Variants in HAGH observed in about 807,000 individuals in gnomAD.
HAGH encodes hydroxyacylglutathione hydrolase, also known as hydroxyacylglutathione hydrolase, mitochondrial.
Under a neutral mutation model 35.1 loss-of-function variants are expected in HAGH, and 29 were observed. That is an observed-to-expected ratio of 0.83 (90% CI 0.62 to 1.13). HAGH has a LOEUF of 1.13. Ranked by LOEUF, HAGH falls within the 50% of genes most tolerant of loss-of-function variation. The probability of loss-of-function intolerance (pLI) is 0.00; values close to 1 mark genes in which losing one functional copy is unlikely to be tolerated. For missense variants in HAGH, 478 were observed against 419.6 expected, an observed-to-expected ratio of 1.14 and a Z score of -1.22; for synonymous variants, 225 against 176.1, an observed-to-expected ratio of 1.28 and a Z score of -2.20.
At chr16:1,810,120 C>A in intron 7 of HAGH, 1 of 400,092 alleles carries the variant, frequency 2.5e-6, no homozygotes, top group East Asian at 4.8e-5. Context: ...CAAGACTGTG[C>A]TACTGCCCTC....
intron 7 of HAGH, among the ~76,000 whole-genome samples, chr16:1,815,522 G>A (rs1018355693): frequency 1.3e-5 from 2 of 152,232 alleles, no homozygotes; most frequent in Non-Finnish European, 2.9e-5. Flanking sequence ...GAATGCCACA[G>A]AGATGACGGA....
chr16:1,822,023 G>C lies in HAGH; in HGVS notation c.314+277C>G, dbSNP rs538396114. The C allele has an allele frequency of 2.8e-5, 11 of 397,844 alleles. 3 individuals are homozygous for C. The South Asian group carries it at 6.9e-4, about 25-fold the overall frequency. 24.6% of individuals were successfully genotyped at this position (397,844 alleles called of 1,614,324 possible). A position where few individuals can be genotyped will look rare whatever the true frequency, so the allele number is the denominator to read the frequency against. ...CCCAACATTGAGGCCAACGTGCCAGGGCACAAACCCGCATGGCCCAGGAGA... is the reference window on the plus strand; with the variant it reads ...CCCAACATTGAGGCCAACGTGCCAGCGCACAAACCCGCATGGCCCAGGAGA... On this transcript the variant is annotated intron_variant, in intron 3 of 8. Transcript: ENST00000397356.
At chr16:1,827,117 G>C, upstream of HAGH, 1 of 1,399,984 alleles carries the variant, frequency 7.1e-7, no homozygotes, top group East Asian at 2.4e-5. Flanking sequence ...GGCAGATCGC[G>C]AGGTGGAACG....
At chr16:1,813,339 C>T (rs916158712) in intron 7 of HAGH, among the ~76,000 whole-genome samples, 5 of 152,308 alleles carry the variant, frequency 3.3e-5, no homozygotes, top group Admixed American at 2.0e-4. Context: ...ACGCCCAGGC[C>T]ATGCTGCTTA....
In HAGH at chr16:1,820,030, G is replaced by C. The variant is rs750657075; in HGVS notation, c.315-16C>G. ...AGCATGGTCCCTAGAAGTCAAACAG[G>C]AGACCTGGGCTGCCTGCTGAGCTGA... On this transcript the variant is annotated splice_polypyrimidine_tract_variant and intron_variant, in intron 3 of 8. Transcript: ENST00000397356. 6.5e-7 allele frequency: 1 copy of C among 1,544,994 alleles called. No homozygotes were observed. The highest frequency in any genetic ancestry group is 1.7e-5 in the Admixed American group (1 of 59,540).
intron 5 of HAGH, 34 bp from the exon 6 acceptor site, chr16:1,817,305 C>G: frequency 7.3e-7 from 1 of 1,365,900 alleles, no homozygotes; most frequent in Non-Finnish European, 1.0e-6. Flanking sequence ...GTGGGGGCCA[C>G]TTGAGGCTGG....
chr16:1,809,466 G>A (rs757128202), intron 8 of HAGH, 84 bp from the exon 9 acceptor site: 56 of 1,157,780 alleles, frequency 4.8e-5, no homozygotes, highest in Non-Finnish European at 5.9e-5. Context: ...AAGGCGACTC[G>A]TGCTGGCCGA....
At chr16:1,821,620 T>C (rs1013434911) in intron 3 of HAGH, 1 of 152,224 alleles carries the variant, frequency 6.6e-6, no homozygotes, top group Non-Finnish European at 1.5e-5. Context: ...ACCCAACCTC[T>C]CCAGATATGG....
At chr16:1,819,687 GC>G in intron 4 of HAGH, 1 of 603,170 alleles carries the variant, frequency 1.7e-6, no homozygotes, top group Non-Finnish European at 3.0e-6. Flanking sequence ...GGGTCTCAGA[GC>G]CCTGCTTCAC....
intron 1 of HAGH, among the ~76,000 whole-genome samples, chr16:1,825,221 G>A (rs1427090268): frequency 3.9e-5 from 6 of 152,196 alleles, no homozygotes; most frequent in Non-Finnish European, 5.9e-5. Context: ...AGGAGGCTGA[G>A]GCAGGAGACT....
At chr16:1,814,331 G>A (rs756369152) in intron 7 of HAGH, among the ~76,000 whole-genome samples, 2 of 151,920 alleles carry the variant, frequency 1.3e-5, no homozygotes, top group Non-Finnish European at 2.9e-5. Flanking sequence ...AAAATTAACC[G>A]GGTGTGGTGG....
intron 1 of HAGH, 49 bp from the exon 2 acceptor site, chr16:1,823,086 C>T (rs104843): frequency 6.4e-7 from 1 of 1,569,754 alleles, no homozygotes; most frequent in Non-Finnish European, 8.8e-7. Context: ...AGGCCCTCCA[C>T]GACAGGACGC....
In HAGH at chr16:1,819,879, C is replaced by A; in HGVS notation, c.432+18G>T. On this transcript the variant is annotated intron_variant, in intron 4 of 8. Transcript: ENST00000397356. ...CTGACAGGGCCACGCTGGAGCACCTCCAGGGCTCACTCCTTACCTGCAGTG... is the reference window on the plus strand; with the variant it reads ...CTGACAGGGCCACGCTGGAGCACCTACAGGGCTCACTCCTTACCTGCAGTG... 4 of 1,504,170 alleles carry A rather than the reference C, an allele frequency of 2.7e-6. No individual in the cohort carries two copies. In the Middle Eastern group the frequency reaches 6.9e-4, roughly 261 times the overall value. The allele number at this position is 1,504,170 out of a possible 1,614,324, so 93.2% of individuals were successfully genotyped here.
At chr16:1,820,116 T>C (rs1439140574) in intron 3 of HAGH, 102 bp from the exon 4 acceptor site, 1 of 761,222 alleles carries the variant, frequency 1.3e-6, no homozygotes, top group South Asian at 1.5e-5. Flanking sequence ...CTGCTGCTCT[T>C]AAACCCTAGT....
At chr16:1,823,067 A>G (rs367668290) in intron 1 of HAGH, 30 bp from the exon 2 acceptor site, 2 of 1,607,822 alleles carry the variant, frequency 1.2e-6, no homozygotes, top group Non-Finnish European at 1.7e-6. Context: ...CTCAGCGGGC[A>G]GCCGCGCCAG....
chr16:1,825,842 G>A lies in HAGH; in HGVS notation c.76+870C>T, dbSNP rs145516209. On this transcript the variant is annotated intron_variant, in intron 1 of 8. Transcript: ENST00000397356. Reference sequence around the variant, plus strand: ...TCCCGCCTCGGCCTCCCAAAGTGCTGGGATGACAGGCGTGCGTCACTGCAC... The same window carrying A: ...TCCCGCCTCGGCCTCCCAAAGTGCTAGGATGACAGGCGTGCGTCACTGCAC... Among the ~76,000 whole-genome samples, 411 of 152,352 alleles carry A rather than the reference G, an allele frequency of 2.7e-3. 4 individuals are homozygous for A. The highest frequency in any genetic ancestry group is 9.2e-3 in the African/African-American group (384 of 41,578).
rs942292656 is a variant in HAGH, at chr16:1,809,011, G to T, written c.*272C>A. Reference sequence around the variant, plus strand: ...CTCACGCCTGACCTGAAGCGTGGGTGGGGGGACTGCAGTGGCTCACGGAGG... The same window carrying T: ...CTCACGCCTGACCTGAAGCGTGGGTTGGGGGACTGCAGTGGCTCACGGAGG... On this transcript the variant is annotated 3_prime_UTR_variant, in exon 9 of 9. Coordinates refer to ENST00000397356, the MANE Select transcript of HAGH (RefSeq NM_005326.6). 5.2e-5 allele frequency: 24 copies of T among 458,050 alleles called. No individual in the cohort carries two copies. The highest frequency in any genetic ancestry group is 2.0e-5 in the Non-Finnish European group (5 of 254,766). 28.4% of individuals were successfully genotyped at this position (458,050 alleles called of 1,614,324 possible).
chr16:1,825,542 G>A (rs374987070), intron 1 of HAGH, among the ~76,000 whole-genome samples: 1 of 152,090 alleles, frequency 6.6e-6, no homozygotes, highest in Non-Finnish European at 1.5e-5. Context: ...CTGGGGCCTG[G>A]ACCAAGTCCA....
rs750564047 is a variant in HAGH at position 1,809,740 on chromosome 16, G to A, written c.827+14C>T. 4 of 1,594,370 alleles carry A rather than the reference G, an allele frequency of 2.5e-6. No individual in the cohort carries two copies. The highest frequency in any genetic ancestry group is 2.7e-5 in the African/African-American group (2 of 74,528). On this transcript the variant is annotated intron_variant, in intron 8 of 8. Transcript: ENST00000397356. Reference sequence around the variant, plus strand: ...GGGGAGGGGCCCGCGCCCACCACCTGCCCTGGGCCTCACCTCACTCTCATG... The same window carrying A: ...GGGGAGGGGCCCGCGCCCACCACCTACCCTGGGCCTCACCTCACTCTCATG...
Sources: allele counts gnomAD v4.1 joint callset (sites outside exome capture counted in the v4.1 genomes callset), GRCh38; gene constraint gnomAD v4.1.1; transcripts MANE v1.5; gene names NCBI Gene and HGNC (gene_info 2026-07-23, HGNC 2026-07-21).